The following MFAP3 variants were observed in gnomAD, a reference collection of about 807,000 sequenced individuals.
The protein encoded by MFAP3 is microfibril-associated glycoprotein 3.
Under a neutral mutation model 20.5 loss-of-function variants are expected in MFAP3, and 8 were observed. That is an observed-to-expected ratio of 0.39 (90% CI 0.23 to 0.70). The LOEUF is 0.70. Among genes scored for constraint, MFAP3 ranks in the 30% least tolerant of loss-of-function variants. The pLI is 0.44. For synonymous variants in MFAP3, 140 were observed against 154.0 expected, an observed-to-expected ratio of 0.91 and a Z score of 0.67; for missense variants, 398 against 444.6, an observed-to-expected ratio of 0.90 and a Z score of 0.94.
chr5:154,041,415 T>G (rs1391923004), intron 1 of MFAP3, among the ~76,000 whole-genome samples: 1 of 152,238 alleles, frequency 6.6e-6, no homozygotes, highest in East Asian at 1.9e-4. Context: ...ATAATCAGCC[T>G]CTAGGTGAGG....
At position 154,054,319 on chromosome 5, in the gene MFAP3, T is replaced by A. The variant is rs187974907; in HGVS notation, c.*606T>A. ...TTGCCATGTGGAGCATATAATGATA[T>A]GTGCAAGATTGAATCTTTTCAATGT... On this transcript the variant is annotated 3_prime_UTR_variant, in exon 3 of 3. Coordinates refer to ENST00000522782, the MANE Select transcript of MFAP3 (RefSeq NM_005927.5). 6.0e-6 allele frequency: 1 copy of A among 167,302 alleles called. No individual in the cohort carries two copies. Among genetic ancestry groups the A allele is most frequent in the Admixed American group, 6.5e-5 (1 of 15,328 alleles). The allele number at this position is 167,302 out of a possible 1,614,324, so 10.4% of individuals were successfully genotyped here. A position where few individuals can be genotyped will look rare whatever the true frequency, so the allele number is the denominator to read the frequency against.
At chr5:154,041,533 C>T (rs1772951998) in intron 1 of MFAP3, among the ~76,000 whole-genome samples, 1 of 152,228 alleles carries the variant, frequency 6.6e-6, no homozygotes, top group Non-Finnish European at 1.5e-5. Flanking sequence ...AATTATCGTA[C>T]ATAGAGGCAC....
At chr5:154,043,553 C>T (rs1330949904) in intron 1 of MFAP3, among the ~76,000 whole-genome samples, 1 of 151,870 alleles carries the variant, frequency 6.6e-6, no homozygotes, top group African/African-American at 2.4e-5. Flanking sequence ...CTCCGTCACA[C>T]ACACACACAC....
intron 1 of MFAP3, among the ~76,000 whole-genome samples, chr5:154,039,528 C>T (rs1772854626): frequency 6.6e-6 from 1 of 152,156 alleles, no homozygotes; most frequent in Admixed American, 6.5e-5. Flanking sequence ...AGGCCAGGGA[C>T]TTGAGCCCAA....
intron 1 of MFAP3, among the ~76,000 whole-genome samples, chr5:154,042,801 T>G (rs1263933439): frequency 2.6e-5 from 4 of 151,350 alleles, no homozygotes; most frequent in Non-Finnish European, 4.4e-5. Context: ...TTATAGAGAA[T>G]GAAGCACTAA....
chr5:154,055,994 T>A lies in MFAP3; in HGVS notation c.*2281T>A, dbSNP rs936831461. Among the ~76,000 whole-genome samples the A allele has an allele frequency of 6.6e-6, 1 of 152,206 alleles. No individual in the cohort carries two copies. Among genetic ancestry groups the A allele is most frequent in the Non-Finnish European group, 1.5e-5 (1 of 68,024 alleles). ...TAGTACTTTCAACCCTGTCCTAACA[T>A]AGCAGGTTTGCAGTAATCTTTTAGA... On this transcript the variant is annotated 3_prime_UTR_variant, in exon 3 of 3. Coordinates refer to ENST00000522782, the MANE Select transcript of MFAP3 (RefSeq NM_005927.5).
Position 154,047,512 on chromosome 5 carries a change from T to TGTTTTG in MFAP3, c.-166-2033_-166-2028dup, listed in dbSNP as rs1773094677. 4.0e-5 allele frequency among the ~76,000 whole-genome samples: 6 copies of TGTTTTG among 151,892 alleles called. No homozygotes were observed. In the East Asian group the frequency reaches 7.8e-4, roughly 20 times the overall value. The stretch of plus-strand genomic sequence containing the variant: ...TAAACTGGAGTTGTGGGGGGCTTTT[T>TGTTTTG]GTTTTGGTTTTGGTTTTACTACAGA... On this transcript the variant is annotated intron_variant, in intron 1 of 2. Coordinates refer to ENST00000522782, the MANE Select transcript of MFAP3 (RefSeq NM_005927.5).
intron 1 of MFAP3, among the ~76,000 whole-genome samples, chr5:154,039,606 G>A (rs189038639): frequency 1.4e-3 from 207 of 152,296 alleles, no homozygotes; most frequent in Admixed American, 1.8e-3. Flanking sequence ...GAAAACCATT[G>A]AAGGTTTCTA....
intron 1 of MFAP3, chr5:154,039,274 A>C (rs1772836643): frequency 6.6e-6 from 1 of 152,260 alleles, no homozygotes; most frequent in African/African-American, 2.4e-5. Context: ...AGCAGATTAT[A>C]AACAAGTCAA....
intron 1 of MFAP3, among the ~76,000 whole-genome samples, chr5:154,043,516 G>C (rs369004907): frequency 1.3e-5 from 2 of 151,878 alleles, no homozygotes; most frequent in East Asian, 3.9e-4. Context: ...TCACCATTGC[G>C]CTCCAGCCTG....
At chr5:154,041,679 T>A (rs190703822) in intron 1 of MFAP3, among the ~76,000 whole-genome samples, 81 of 152,334 alleles carry the variant, frequency 5.3e-4, no homozygotes, top group African/African-American at 1.7e-3. Flanking sequence ...CCTGAATTGC[T>A]CAGATTTGTG....
chr5:154,043,375 C>T (rs1489319468), intron 1 of MFAP3, among the ~76,000 whole-genome samples: 3 of 152,190 alleles, frequency 2.0e-5, no homozygotes, highest in Admixed American at 1.3e-4. Flanking sequence ...CATGGAGAAA[C>T]CCCGTCTCTA....
chr5:154,053,369 CGAGCCTTTGTT>C lies in MFAP3; in HGVS notation c.749_759del (p.Ala250GlyfsTer4), dbSNP rs775540811. The C allele has an allele frequency of 6.2e-7, 1 of 1,613,956 alleles. No homozygotes were observed. The highest frequency in any genetic ancestry group is 1.1e-5 in the South Asian group (1 of 91,066). On this transcript the variant is annotated frameshift_variant, in exon 3 of 3. Coordinates refer to ENST00000522782, the MANE Select transcript of MFAP3 (RefSeq NM_005927.5). LOFTEE classifies it high-confidence loss of function. The stretch of plus-strand genomic sequence containing the variant: ...TCTTCCACCTCTTATTCTAAACTGT[CGAGCCTTTGTT>C]GAGGAGATGTTTGAGGCTGTGCGAG...
At chr5:154,048,008 G>A (rs975755963) in intron 1 of MFAP3, among the ~76,000 whole-genome samples, 1 of 152,150 alleles carries the variant, frequency 6.6e-6, no homozygotes, top group African/African-American at 2.4e-5. Flanking sequence ...ACAGTGCTTG[G>A]CTGATGGCAG....
At chr5:154,049,346 CA>C (rs1283261089) in intron 1 of MFAP3, among the ~76,000 whole-genome samples, 1 of 152,134 alleles carries the variant, frequency 6.6e-6, no homozygotes, top group African/African-American at 2.4e-5. Flanking sequence ...TAGTTAGTGG[CA>C]AAGCTAGGAC....
chr5:154,039,441 CA>C, intron 1 of MFAP3: 1 of 152,218 alleles, frequency 6.6e-6, no homozygotes, highest in Admixed American at 6.5e-5. Context: ...ATAGTGGGAA[CA>C]AACTTAGCAA....
At position 154,049,982 on chromosome 5, in the gene MFAP3, A is replaced by G. The variant is rs1452274712; in HGVS notation, c.260A>G (p.Asn87Ser). ...CACTATGAAGATGTCCATTGGCACA[A>G]TTCAAAAGGACAGCAACTGGATGGC... ...ASHYEDVHWH[N>S]SKGQQLDGRS... The change falls in exon 2 of 3, where the codon AAT becomes AGT. Residue 87 changes from asparagine (N) to serine (S), a missense_variant. By Grantham distance (46) the Asn-to-Ser change is conservative (BLOSUM62 1). Coordinates refer to ENST00000522782, the MANE Select transcript of MFAP3 (RefSeq NM_005927.5). 1 of 1,609,510 alleles carries G rather than the reference A, an allele frequency of 6.2e-7. No individual in the cohort carries two copies. The highest frequency in any genetic ancestry group is 1.1e-5 in the South Asian group (1 of 90,958).
chr5:154,056,454 T>A lies in MFAP3; in HGVS notation c.*2741T>A, dbSNP rs1373146794. ...ATTAAGCCTCATGTTATCTTTTTTT[T>A]AAATCAACCTTTTGAACTTCAACTA... On this transcript the variant is annotated 3_prime_UTR_variant, in exon 3 of 3. Coordinates refer to ENST00000522782, the MANE Select transcript of MFAP3 (RefSeq NM_005927.5). 2.6e-5 allele frequency among the ~76,000 whole-genome samples: 4 copies of A among 152,358 alleles called. No homozygotes were observed. The highest frequency in any genetic ancestry group is 4.1e-4 in the South Asian group (2 of 4,824).
rs937186995 is a variant in MFAP3, at chr5:154,054,603, A to C, written c.*890A>C. 1.2e-5 allele frequency: 2 copies of C among 167,068 alleles called. No homozygotes were observed. The highest frequency in any genetic ancestry group is 2.9e-5 in the Non-Finnish European group (2 of 68,116). The allele number at this position is 167,068 out of a possible 1,614,324, so 10.3% of individuals were successfully genotyped here. A position where few individuals can be genotyped will look rare whatever the true frequency, so the allele number is the denominator to read the frequency against. ...GTCTTCTGGAAAATCATGGATTTTC[A>C]TATTTCTGTTAACAGAATTTCTCAG... is the stretch of plus-strand genomic sequence containing the variant. On this transcript the variant is annotated 3_prime_UTR_variant, in exon 3 of 3. Coordinates refer to ENST00000522782, the MANE Select transcript of MFAP3 (RefSeq NM_005927.5).
Sources: gnomAD v4.1 joint callset for allele counts (sites outside exome capture counted in the v4.1 genomes callset) on GRCh38, gnomAD v4.1.1 for gene constraint, MANE v1.5 for transcripts, NCBI Gene and HGNC (gene_info 2026-07-23, HGNC 2026-07-21) for gene names.